Variants in SPTA1 observed in about 807,000 individuals in gnomAD.
The protein encoded by SPTA1 is spectrin alpha, erythrocytic 1, also known as spectrin alpha chain, erythrocytic 1.
In SPTA1, 177 loss-of-function variants were observed where a neutral mutation model predicts 324.7. The ratio of observed to expected loss-of-function variants is 0.55; its 90% CI spans 0.48 to 0.62. The LOEUF is 0.62. SPTA1 is among the 20% of genes least tolerant of loss of function. SPTA1 has a pLI of 0.00. For missense variants in SPTA1, 3,162 were observed against 2,883.6 expected (o/e 1.10, Z -2.21); for synonymous variants, 1,195 against 1,041.3 (o/e 1.15, Z -2.84).
At chr1:158,636,337 T>C (rs147871299) in intron 37 of SPTA1, among the ~76,000 whole-genome samples, 1 of 152,314 alleles carries the variant, frequency 6.6e-6, no homozygotes, top group Non-Finnish European at 1.5e-5. Context: ...CAGAGTTGCC[T>C]TCTTCCCAGA....
chr1:158,675,923 T>C (rs1360706319), intron 8 of SPTA1, among the ~76,000 whole-genome samples: 1 of 152,200 alleles, frequency 6.6e-6, no homozygotes, highest in African/African-American at 2.4e-5. Flanking sequence ...CAAACTGTGG[T>C]TGACTGCTGG....
At chr1:158,640,493 G>A (rs1054037320) in intron 33 of SPTA1, among the ~76,000 whole-genome samples, 1 of 152,060 alleles carries the variant, frequency 6.6e-6, no homozygotes, top group Non-Finnish European at 1.5e-5. Context: ...AAATCAATGT[G>A]TAAAAATCAC....
At chr1:158,624,826 C>A (rs1650165424) in intron 42 of SPTA1, among the ~76,000 whole-genome samples, 1 of 152,196 alleles carries the variant, frequency 6.6e-6, no homozygotes, top group Admixed American at 6.5e-5. Flanking sequence ...CTAGAATTTT[C>A]AGTAGTGACA....
intron 39 of SPTA1, among the ~76,000 whole-genome samples, chr1:158,629,136 T>TA (rs1241273781): frequency 6.6e-6 from 1 of 150,536 alleles, no homozygotes; most frequent in East Asian, 1.9e-4. Context: ...GATAGATAGA[T>TA]GATAGATAGA....
chr1:158,655,559 C>A (rs949137277), intron 20 of SPTA1, among the ~76,000 whole-genome samples: 11 of 145,916 alleles, frequency 7.5e-5, no homozygotes, highest in African/African-American at 2.5e-4. Context: ...TGTTTAGGCA[C>A]CCACTGTGCA....
intron 41 of SPTA1, among the ~76,000 whole-genome samples, 155 bp from the exon 42 acceptor site, chr1:158,626,377 C>T (rs766383393): frequency 2.6e-5 from 4 of 152,016 alleles, no homozygotes; most frequent in Non-Finnish European, 5.9e-5. Context: ...ACCAATGGAT[C>T]GTTTTTCTAC....
rs370202608 is a variant in SPTA1 at position 158,634,751 on chromosome 1, T to C, written c.5433-76A>G. On this transcript the variant is annotated intron_variant, in intron 38 of 51. Transcript: ENST00000643759. The stretch of plus-strand genomic sequence containing the variant: ...GTGGGAGTACAGTGGGGTGGCACAA[T>C]CTCATTCAGGCAGACCAGCTTATTC... 1,527 of 1,570,444 alleles carry C rather than the reference T, an allele frequency of 9.7e-4. 1 individual carries two copies. The highest frequency in any genetic ancestry group is 1.2e-3 in the Non-Finnish European group (1,359 of 1,146,264).
intron 27 of SPTA1, among the ~76,000 whole-genome samples, chr1:158,646,155 C>G (rs532519251): frequency 3.5e-4 from 53 of 152,270 alleles, no homozygotes; most frequent in African/African-American, 1.3e-3. Context: ...TTGATTAAAT[C>G]AAGGTCTATT....
At chr1:158,646,059 C>T (rs1408247703) in intron 27 of SPTA1, among the ~76,000 whole-genome samples, 4 of 152,226 alleles carry the variant, frequency 2.6e-5, no homozygotes, top group South Asian at 2.1e-4. Flanking sequence ...TCAAAGAAAT[C>T]ATGTCTTTCC....
At chr1:158,654,349 T>C (rs1276321890) in intron 21 of SPTA1, among the ~76,000 whole-genome samples, 2 of 152,186 alleles carry the variant, frequency 1.3e-5, no homozygotes, top group Non-Finnish European at 2.9e-5. Context: ...TTTCCACTCA[T>C]ACTTTCTATA....
chr1:158,643,540 T>G, intron 30 of SPTA1, 115 bp from the exon 31 acceptor site: 1 of 1,021,634 alleles, frequency 9.8e-7, no homozygotes, highest in Non-Finnish European at 1.5e-6. Flanking sequence ...GAAGATATAC[T>G]CAGGGTCAAA....
intron 18 of SPTA1, 88 bp from the exon 19 acceptor site, chr1:158,657,782 G>A: frequency 7.3e-7 from 1 of 1,369,688 alleles, no homozygotes; most frequent in Non-Finnish European, 1.0e-6. Context: ...AAAGAGAAAG[G>A]AAGTGATAAA....
In SPTA1 at chr1:158,611,228, C is replaced by A; in HGVS notation, c.*36G>T. 6.2e-7 allele frequency: 1 copy of A among 1,611,132 alleles called. No individual in the cohort carries two copies. The highest frequency in any genetic ancestry group is 8.5e-7 in the Non-Finnish European group (1 of 1,178,186). On this transcript the variant is annotated 3_prime_UTR_variant, in exon 52 of 52. Coordinates refer to ENST00000643759, the MANE Select transcript of SPTA1 (RefSeq NM_003126.4). ...TTGCCCCCCAGTAAATTTCCCACGA[C>A]ACTAAGATTTTCTACGATCCACGAG...
chr1:158,612,525 A>T, intron 51 of SPTA1: 1 of 405,586 alleles, frequency 2.5e-6, no homozygotes, highest in East Asian at 5.7e-5. Flanking sequence ...GAACATAGTA[A>T]GCATTCAATA....
chr1:158,662,184 A>G (rs1258746515), intron 17 of SPTA1, among the ~76,000 whole-genome samples: 2 of 152,180 alleles, frequency 1.3e-5, no homozygotes, highest in Non-Finnish European at 2.9e-5. Flanking sequence ...ATGTTTCCAA[A>G]CTATGCATAC....
Position 158,614,305 on chromosome 1 carries a change from C to T in SPTA1, c.6790G>A (p.Asp2264Asn). 1 of 1,552,820 alleles carries T rather than the reference C, an allele frequency of 6.4e-7. No homozygotes were observed. Among genetic ancestry groups the T allele is most frequent in the Non-Finnish European group, 8.7e-7 (1 of 1,143,744 alleles). The change falls in exon 49 of 52, where the codon GAC (aspartate) becomes AAC (asparagine). Residue 2264 changes from aspartate (D) to asparagine (N), a missense_variant and splice_region_variant. Coordinates refer to ENST00000643759, the MANE Select transcript of SPTA1 (RefSeq NM_003126.4). ...HNLEQQIQAK[D>N]IKGVSEETLK... is the part of the protein sequence containing the mutation. ...GTCTCTTCACTCACACCTTTGATGT[C>T]CCTGAAAGAAAAAAAAAAAACATGA...
intron 48 of SPTA1, 94 bp from the exon 49 acceptor site, chr1:158,614,400 A>G: frequency 1.1e-6 from 1 of 918,254 alleles, no homozygotes; most frequent in Non-Finnish European, 1.7e-6. Context: ...ATTTTAATGG[A>G]CAATTTGCTA....
chr1:158,654,715 C>CA lies in SPTA1; in HGVS notation c.2931dup (p.Gly978TrpfsTer10). The CA allele has an allele frequency of 6.2e-7, 1 of 1,613,852 alleles. No homozygotes were observed. ...TATAAAGCCATGACCCTTTGTTCTC[C>CA]AGCAACTCCCTCCACTGGTGCAGCC... On this transcript the variant is annotated frameshift_variant, in exon 21 of 52. Coordinates refer to ENST00000643759, the MANE Select transcript of SPTA1 (RefSeq NM_003126.4). LOFTEE classifies it high-confidence loss of function.
chr1:158,662,771 A>G lies in SPTA1; in HGVS notation c.2395T>C (p.Cys799Arg), dbSNP rs750007906. Residue 799 changes from cysteine (C) to arginine (R), a missense_variant, in exon 17 of 52, where the codon TGT (cysteine) becomes CGT (arginine). Cys to Arg is a radical substitution (Grantham distance 180). Transcript: ENST00000643759. The stretch of plus-strand genomic sequence containing the variant: ...GCCTCCTCATCCTCTGTGTCTCTAC[A>G]AATCAGCTGCAGATGGAGAAGGTCT... ...LLDLLHLQLICRDTEDEEAWI... is the reference protein window; with the variant it reads ...LLDLLHLQLIRRDTEDEEAWI... The G allele has an allele frequency of 3.1e-6, 5 of 1,614,056 alleles. No homozygotes were observed. The highest frequency in any genetic ancestry group is 4.2e-6 in the Non-Finnish European group (5 of 1,179,976).
Sources: gnomAD v4.1 joint callset for allele counts (sites outside exome capture counted in the v4.1 genomes callset) on GRCh38, gnomAD v4.1.1 for gene constraint, MANE v1.5 for transcripts, NCBI Gene and HGNC (gene_info 2026-07-23, HGNC 2026-07-21) for gene names.